Variants in ACVR1B observed in about 807,000 individuals in gnomAD.
ACVR1B encodes the protein activin receptor type-1B.
A neutral mutation model predicts 55.6 loss-of-function variants in ACVR1B; 15 were observed. The observed-to-expected ratio is 0.27, with a 90% CI of 0.18 to 0.42. ACVR1B has a LOEUF of 0.42. Ranked by LOEUF, ACVR1B falls within the 10% of genes least tolerant of loss-of-function variation. The pLI is 1.00. For missense variants in ACVR1B, 359 were observed against 670.1 expected (o/e 0.54, Z 5.13); for synonymous variants, 247 against 254.6 (o/e 0.97, Z 0.28).
At chr12:51,992,145 T>C in intron 8 of ACVR1B, 152 bp downstream of exon 8, 1 of 996,734 alleles carries the variant, frequency 1.0e-6, no homozygotes, top group Non-Finnish European at 1.5e-6. Context: ...TCCCAAGCCC[T>C]TTAGGGCTAC....
At chr12:51,966,315 C>T (rs1341700414) in intron 1 of ACVR1B, among the ~76,000 whole-genome samples, 1 of 152,152 alleles carries the variant, frequency 6.6e-6, no homozygotes, top group Non-Finnish European at 1.5e-5. Context: ...AGCTGCAGGA[C>T]AAATGGCCTA....
chr12:51,951,948 C>A, intron 1 of ACVR1B, 114 bp downstream of exon 1: 1 of 552,152 alleles, frequency 1.8e-6, no homozygotes, highest in Non-Finnish European at 2.6e-6. Flanking sequence ...CACAATATGG[C>A]CGGGTGGGGG....
intron 1 of ACVR1B, among the ~76,000 whole-genome samples, chr12:51,963,538 G>A (rs373288388): frequency 1.1e-4 from 17 of 152,254 alleles, no homozygotes; most frequent in Admixed American, 2.0e-4. Context: ...ACGCCTGGCC[G>A]ACATTTCATA....
chr12:51,963,037 A>G (rs1483663266), intron 1 of ACVR1B, among the ~76,000 whole-genome samples: 1 of 151,948 alleles, frequency 6.6e-6, no homozygotes, highest in African/African-American at 2.4e-5. Context: ...AAAACACTGT[A>G]GTTTTTTTTT....
intron 1 of ACVR1B, among the ~76,000 whole-genome samples, chr12:51,953,868 G>T (rs1281512011): frequency 6.6e-6 from 1 of 152,122 alleles, no homozygotes; most frequent in Non-Finnish European, 1.5e-5. Flanking sequence ...GGTTAAGGTG[G>T]GTGAGTAAAA....
Position 51,994,090 on chromosome 12 carries a change from CA to C in ACVR1B, c.1499del (p.Gln500ArgfsTer4). 1 of 1,613,880 alleles carries C rather than the reference CA, an allele frequency of 6.2e-7. No homozygotes were observed. The highest frequency in any genetic ancestry group is 8.5e-7 in the Non-Finnish European group (1 of 1,180,024). On this transcript the variant is annotated frameshift_variant, in exon 9 of 9. Transcript: ENST00000257963. LOFTEE classifies it high-confidence loss of function. The surrounding 1 kb of genome is among the most constrained non-coding windows in gnomAD (Gnocchi z 4.2). ...IKKTLSQLSV[Q>X]EDVKI ...GAAGACCCTCTCCCAGCTCAGCGTG[CA>C]GGAAGACGTGAAGATCTAACTGCTC... is the stretch of plus-strand genomic sequence containing the variant.
chr12:51,986,712 C>T, intron 6 of ACVR1B, 106 bp from the exon 7 acceptor site: 1 of 1,456,644 alleles, frequency 6.9e-7, no homozygotes, highest in Non-Finnish European at 9.2e-7. Flanking sequence ...GGGACTTTAT[C>T]AGGGTGATAC....
intron 7 of ACVR1B, 49 bp downstream of exon 7, chr12:51,986,991 G>A: frequency 6.2e-7 from 1 of 1,613,998 alleles, no homozygotes; most frequent in Non-Finnish European, 8.5e-7. Flanking sequence ...CAGGATGCTG[G>A]ATCACCCAAA....
At chr12:51,960,913 G>A (rs1941508988) in intron 1 of ACVR1B, among the ~76,000 whole-genome samples, 1 of 152,224 alleles carries the variant, frequency 6.6e-6, no homozygotes, top group African/African-American at 2.4e-5. Context: ...TCTGGTCTTA[G>A]TCTCCCTGAC....
At position 51,989,635 on chromosome 12, in the gene ACVR1B, T is replaced by C. The variant is rs191433129; in HGVS notation, c.1262-2228T>C. Reference sequence around the variant, plus strand: ...TTTATTATGGAAAATCTTTCTAAGTTTGTAGTTCTTAAAGATGAGGACTTA... The same window carrying C: ...TTTATTATGGAAAATCTTTCTAAGTCTGTAGTTCTTAAAGATGAGGACTTA... On this transcript the variant is annotated intron_variant, in intron 7 of 8. Coordinates refer to ENST00000257963, the MANE Select transcript of ACVR1B (RefSeq NM_004302.5). Among the ~76,000 whole-genome samples the C allele has an allele frequency of 2.0e-5, 3 of 152,246 alleles. No homozygotes were observed. The East Asian group carries it at 5.8e-4, about 29-fold the overall frequency.
chr12:51,985,602 G>A (rs572657133), intron 6 of ACVR1B, among the ~76,000 whole-genome samples: 1 of 152,342 alleles, frequency 6.6e-6, no homozygotes, highest in Non-Finnish European at 1.5e-5. Flanking sequence ...TAAGGTCGGA[G>A]GGTAGAGAAG....
chr12:51,991,986 G>C lies in ACVR1B; in HGVS notation c.1385G>C (p.Ser462Thr). The change falls in exon 8 of 9, where the codon AGT (serine) becomes ACT (threonine). Residue 462 changes from serine (S) to threonine (T), a missense_variant. Physicochemically the swap from Ser to Thr is moderately conservative, Grantham distance 58. Transcript: ENST00000257963. The part of the protein sequence containing the change: ...LRPNIPNWWQ[S>T]YEALRVMGKM... Reference sequence around the variant, plus strand: ...CCCAACATCCCCAACTGGTGGCAGAGTTATGAGGTAAGAAGCTGGCCTCCT... The same window carrying C: ...CCCAACATCCCCAACTGGTGGCAGACTTATGAGGTAAGAAGCTGGCCTCCT... 1 of 1,614,228 alleles carries C rather than the reference G, an allele frequency of 6.2e-7. No homozygotes were observed. Among genetic ancestry groups the C allele is most frequent in the South Asian group, 1.1e-5 (1 of 91,088 alleles).
chr12:51,951,851 G>A lies in ACVR1B; in HGVS notation c.91+17G>A, dbSNP rs772982607. ...GGGTCCAGGGTGAGTCCTGGGACGG[G>A]GGGCGGGGGCCGGGATGGAGAGGGC... On this transcript the variant is annotated intron_variant, in intron 1 of 8. Coordinates refer to ENST00000257963, the MANE Select transcript of ACVR1B (RefSeq NM_004302.5). The A allele has an allele frequency of 8.7e-6, 11 of 1,258,862 alleles. No homozygotes were observed. In the East Asian group the frequency reaches 2.7e-4, roughly 31 times the overall value. 78.0% of individuals were successfully genotyped at this position (1,258,862 alleles called of 1,614,324 possible).
At chr12:51,964,932 C>T (rs1941611179) in intron 1 of ACVR1B, among the ~76,000 whole-genome samples, 1 of 151,256 alleles carries the variant, frequency 6.6e-6, no homozygotes, top group African/African-American at 2.4e-5. Context: ...ATTGTTTGGA[C>T]TATTCAGGGT....
In ACVR1B at chr12:51,957,455, A is replaced by G. The variant is rs1427831295; in HGVS notation, c.91+5621A>G. Among the ~76,000 whole-genome samples, 3 of 151,714 alleles carry G rather than the reference A, an allele frequency of 2.0e-5. No homozygotes were observed. In the East Asian group the frequency reaches 5.8e-4, roughly 30 times the overall value. On this transcript the variant is annotated intron_variant, in intron 1 of 8. Transcript: ENST00000257963. ...TGAGACTCCGTCAAAAAAAAAAAAA[A>G]AAAAAGCCAAAAACATCATAGCTCA...
intron 1 of ACVR1B, among the ~76,000 whole-genome samples, chr12:51,966,902 C>T (rs533931259): frequency 2.0e-5 from 3 of 152,132 alleles, no homozygotes; most frequent in South Asian, 2.1e-4. Flanking sequence ...ATATAACTTG[C>T]GGAAGATTGC....
intron 5 of ACVR1B, 76 bp from the exon 6 acceptor site, chr12:51,985,116 C>T (rs1565620840): frequency 1.5e-5 from 22 of 1,458,480 alleles, no homozygotes; most frequent in Non-Finnish European, 1.9e-5. Context: ...CAAACCTATA[C>T]AGTCTGGCTG....
intron 1 of ACVR1B, among the ~76,000 whole-genome samples, chr12:51,972,488 G>A (rs1941764188): frequency 6.6e-6 from 1 of 152,194 alleles, no homozygotes; most frequent in Non-Finnish European, 1.5e-5. Flanking sequence ...GGAGCAAGAG[G>A]CTACACCACT....
At chr12:51,951,927 C>G (rs1357949465) in intron 1 of ACVR1B, 93 bp downstream of exon 1, 2 of 772,980 alleles carry the variant, frequency 2.6e-6, no homozygotes, top group African/African-American at 1.9e-5. Context: ...AGCGCGCCCC[C>G]TCCCCACGAG....
Sources: allele counts gnomAD v4.1 joint callset (sites outside exome capture counted in the v4.1 genomes callset), GRCh38; gene constraint gnomAD v4.1.1; non-coding constraint Gnocchi (gnomAD v3.1); transcripts MANE v1.5; gene names NCBI Gene and HGNC (gene_info 2026-07-23, HGNC 2026-07-21).